The following ST18 variants were observed in gnomAD, a reference collection of about 807,000 sequenced individuals.
ST18 encodes suppression of tumorigenicity 18 protein.
In ST18, 50 loss-of-function variants were observed where a neutral mutation model predicts 110.0. The observed-to-expected ratio is 0.45, with a 90% confidence interval of 0.36 to 0.58. The LOEUF is 0.58. ST18 is among the 20% of genes least tolerant of loss of function. ST18 has a pLI of 0.00. For missense variants in ST18, 1,306 were observed against 1,280.1 expected (o/e 1.02, Z -0.31); for synonymous variants, 461 against 452.4 (o/e 1.02, Z -0.24).
chr8:52,376,700 A>AAC lies in ST18; in HGVS notation c.-465+32626_-465+32627dup, dbSNP rs545518664. ...CTCATTGTGCATCCTAAGCACCTAG[A>AAC]ACAGAGCCCGGTACACAGTGAGCAT... On this transcript the variant is annotated intron_variant, in intron 2 of 25. Transcript: ENST00000689386. Among the ~76,000 whole-genome samples, 123 of 152,254 alleles carry AAC rather than the reference A, an allele frequency of 8.1e-4. 2 individuals carry two copies. In the South Asian group the frequency reaches 0.024, roughly 30 times the overall value.
chr8:52,225,001 T>A (rs1311371664), intron 3 of ST18, among the ~76,000 whole-genome samples: 2 of 152,176 alleles, frequency 1.3e-5, no homozygotes, highest in African/African-American at 4.8e-5. Flanking sequence ...AAAATGCAAT[T>A]TTTGCTTTTG....
chr8:52,406,120 A>G (rs529209666), intron 2 of ST18: 2 of 152,306 alleles, frequency 1.3e-5, no homozygotes, highest in African/African-American at 2.4e-5. Flanking sequence ...AATAAAGGGG[A>G]AAAAAGGTGA....
intron 2 of ST18, among the ~76,000 whole-genome samples, chr8:52,322,907 T>G (rs1340158320): frequency 1.3e-5 from 2 of 152,236 alleles, no homozygotes; most frequent in South Asian, 2.1e-4. Flanking sequence ...TTGAAAATAT[T>G]GCATCCACTA....
At chr8:52,331,471 A>G (rs1809374172) in intron 2 of ST18, among the ~76,000 whole-genome samples, 1 of 152,140 alleles carries the variant, frequency 6.6e-6, no homozygotes, top group Non-Finnish European at 1.5e-5. Flanking sequence ...GCACACATAC[A>G]CAAGTAACCA....
intron 10 of ST18, among the ~76,000 whole-genome samples, chr8:52,168,292 C>T (rs1046776950): frequency 2.0e-5 from 3 of 149,646 alleles, no homozygotes; most frequent in Non-Finnish European, 4.4e-5. Context: ...TGGTCCTGCC[C>T]GAGAAGATGC....
intron 2 of ST18, among the ~76,000 whole-genome samples, chr8:52,231,953 G>A (rs1042126426): frequency 2.0e-5 from 3 of 152,198 alleles, no homozygotes; most frequent in Non-Finnish European, 4.4e-5. Context: ...TATGCGTTCC[G>A]TAGATCTATG....
At chr8:52,165,825 C>A (rs1013429044) in intron 11 of ST18, among the ~76,000 whole-genome samples, 1 of 152,218 alleles carries the variant, frequency 6.6e-6, no homozygotes, top group African/African-American at 2.4e-5. Context: ...TGATGTTAAG[C>A]ACTTCCATTT....
At chr8:52,290,304 A>G (rs142889755) in intron 2 of ST18, among the ~76,000 whole-genome samples, 2 of 152,278 alleles carry the variant, frequency 1.3e-5, no homozygotes, top group Non-Finnish European at 2.9e-5. Context: ...CAGGATTTGG[A>G]GACATCTCAC....
chr8:52,388,832 G>A (rs1203967675), intron 2 of ST18, among the ~76,000 whole-genome samples: 2 of 123,878 alleles, frequency 1.6e-5, no homozygotes, highest in Admixed American at 1.8e-4. Context: ...GGGGGAGGGG[G>A]GAGGGATAGC....
At chr8:52,388,646 C>T (rs929183122) in intron 2 of ST18, among the ~76,000 whole-genome samples, 3 of 151,702 alleles carry the variant, frequency 2.0e-5, no homozygotes, top group African/African-American at 4.8e-5. Flanking sequence ...ATGAGTGTCA[C>T]AAAGGAGGGA....
chr8:52,143,074 C>T, intron 16 of ST18, 29 bp from the exon 17 acceptor site: 1 of 1,452,138 alleles, frequency 6.9e-7, no homozygotes, highest in Non-Finnish European at 9.7e-7. Context: ...ACAAACAAAA[C>T]ACAGAAGCCA....
At chr8:52,384,172 A>T (rs1194273895) in intron 2 of ST18, among the ~76,000 whole-genome samples, 1 of 152,148 alleles carries the variant, frequency 6.6e-6, no homozygotes, top group Non-Finnish European at 1.5e-5. Flanking sequence ...GTGTAGCCAA[A>T]ATTACAACCT....
intron 2 of ST18, among the ~76,000 whole-genome samples, chr8:52,277,107 T>A (rs2095285131): frequency 6.6e-6 from 1 of 152,216 alleles, no homozygotes; most frequent in Non-Finnish European, 1.5e-5. Flanking sequence ...GTTGGAGACC[T>A]CTTAGGTCAG....
intron 24 of ST18, among the ~76,000 whole-genome samples, chr8:52,117,237 G>A (rs1001088689): frequency 4.6e-5 from 7 of 152,080 alleles, no homozygotes; most frequent in East Asian, 3.9e-4. Context: ...GCACTTTTGC[G>A]CTTGCAGGGT....
chr8:52,158,948 T>C lies in ST18; in HGVS notation c.1756A>G (p.Arg586Gly). The C allele has an allele frequency of 1.9e-6, 3 of 1,614,048 alleles. No homozygotes were observed. The highest frequency in any genetic ancestry group is 1.7e-5 in the Admixed American group (1 of 60,012). Residue 586 changes from arginine (R) to glycine (G), a missense_variant, in exon 15 of 26, where the codon AGG becomes GGG. Transcript: ENST00000689386. Reference sequence around the variant, plus strand: ...TTGGAGAGGATGTCTGTGGCTTCCCTGCAGCGGGTGGAAAGGTTCAGGATG... The same window carrying C: ...TTGGAGAGGATGTCTGTGGCTTCCCCGCAGCGGGTGGAAAGGTTCAGGATG... Reference protein sequence around the residue: ...AAILNLSTRCREATDILSNKP... With the variant: ...AAILNLSTRCGEATDILSNKP...
intron 2 of ST18, among the ~76,000 whole-genome samples, chr8:52,281,538 G>A (rs1306771746): frequency 1.3e-5 from 2 of 152,154 alleles, no homozygotes; most frequent in Non-Finnish European, 2.9e-5. Context: ...TTGAAGACTG[G>A]AGACACAAAT....
chr8:52,273,904 A>G (rs1320217759), intron 2 of ST18, among the ~76,000 whole-genome samples: 1 of 152,254 alleles, frequency 6.6e-6, no homozygotes, highest in Non-Finnish European at 1.5e-5. Flanking sequence ...ATTCATTAAA[A>G]TCTTAATTAC....
chr8:52,396,857 C>T (rs1841320527), intron 2 of ST18, among the ~76,000 whole-genome samples: 1 of 152,168 alleles, frequency 6.6e-6, no homozygotes, highest in Admixed American at 6.5e-5. Context: ...AAATACATAA[C>T]ACATTTTCTT....
chr8:52,153,084 T>A (rs573916277), intron 15 of ST18, among the ~76,000 whole-genome samples: 1 of 152,360 alleles, frequency 6.6e-6, no homozygotes, highest in East Asian at 1.9e-4. Flanking sequence ...TTTTCTTCCA[T>A]TATTTTTCAG....
Sources: gnomAD v4.1 joint callset for allele counts (sites outside exome capture counted in the v4.1 genomes callset) on GRCh38, gnomAD v4.1.1 for gene constraint, MANE v1.5 for transcripts, NCBI Gene and HGNC (gene_info 2026-07-23, HGNC 2026-07-21) for gene names.